The following PLA2R1 variants were observed in gnomAD, a reference collection of about 807,000 sequenced individuals.
PLA2R1 encodes the protein secretory phospholipase A2 receptor.
In PLA2R1, 158 loss-of-function variants were observed where a neutral mutation model predicts 195.9. The observed-to-expected ratio is 0.81, with a 90% confidence interval of 0.71 to 0.92. The LOEUF is 0.92. Ranked by LOEUF, PLA2R1 falls within the 40% of genes least tolerant of loss-of-function variation. The pLI, the probability that PLA2R1 is intolerant of heterozygous loss-of-function variation, is 0.00. For synonymous variants in PLA2R1, 586 were observed against 598.2 expected (o/e 0.98, Z 0.30); for missense variants, 1,626 against 1,764.6 (o/e 0.92, Z 1.41).
chr2:160,035,949 T>C (rs759354842), intron 3 of PLA2R1, among the ~76,000 whole-genome samples: 3 of 152,196 alleles, frequency 2.0e-5, no homozygotes, highest in Non-Finnish European at 4.4e-5. Context: ...TCCCTCTCCG[T>C]GCTGATTTAC....
chr2:160,016,479 G>T, intron 9 of PLA2R1, 135 bp downstream of exon 9: 1 of 257,302 alleles, frequency 3.9e-6, no homozygotes, highest in Admixed American at 6.2e-5. Context: ...GAAGGGGGGG[G>T]TGCGAGGAGA....
chr2:160,007,698 T>C (rs1692093907), intron 10 of PLA2R1, among the ~76,000 whole-genome samples: 2 of 152,184 alleles, frequency 1.3e-5, no homozygotes, highest in Admixed American at 1.3e-4. Flanking sequence ...GTGAAAGACT[T>C]GTATACTGAA....
intron 11 of PLA2R1, among the ~76,000 whole-genome samples, chr2:159,995,284 A>G (rs995189145): frequency 2.6e-5 from 4 of 152,086 alleles, no homozygotes; most frequent in African/African-American, 7.2e-5. Context: ...ACATCATGGC[A>G]TTATTTTTGC....
At position 159,955,693 on chromosome 2, in the gene PLA2R1, C is replaced by T; in HGVS notation, c.3153+5G>A. ...GATCTCCAAAAAATAAATCTTAAAA[C>T]TTACATTTATTATATCAAATGGAGA... On this transcript the variant is annotated splice_donor_5th_base_variant and intron_variant, in intron 22 of 29. Coordinates refer to ENST00000283243, the MANE Select transcript of PLA2R1 (RefSeq NM_007366.5). The T allele has an allele frequency of 7.1e-7, 1 of 1,403,742 alleles. No individual in the cohort carries two copies. 87.0% of individuals were successfully genotyped at this position (1,403,742 alleles called of 1,614,324 possible). A position where few individuals can be genotyped will look rare whatever the true frequency, so the allele number is the denominator to read the frequency against.
intron 1 of PLA2R1, among the ~76,000 whole-genome samples, chr2:160,047,656 A>G (rs1278206274): frequency 6.6e-6 from 1 of 152,208 alleles, no homozygotes; most frequent in Non-Finnish European, 1.5e-5. Flanking sequence ...AAGAGCCTTC[A>G]TCTGTTGATT....
At chr2:160,021,797 CT>C (rs1440110828) in intron 7 of PLA2R1, among the ~76,000 whole-genome samples, 8 of 151,964 alleles carry the variant, frequency 5.3e-5, no homozygotes, top group Non-Finnish European at 1.5e-5. Flanking sequence ...TTTCCTTTTT[CT>C]TTTTTCTGCC....
intron 4 of PLA2R1, among the ~76,000 whole-genome samples, chr2:160,029,268 G>A (rs1693707304): frequency 6.6e-6 from 1 of 152,196 alleles, no homozygotes; most frequent in African/African-American, 2.4e-5. Flanking sequence ...TTACTTGAGT[G>A]AGCTCATGAA....
chr2:159,988,000 T>C (rs1232210050), intron 11 of PLA2R1, among the ~76,000 whole-genome samples: 4 of 152,178 alleles, frequency 2.6e-5, no homozygotes, highest in South Asian at 2.1e-4. Flanking sequence ...ATGTGAGATA[T>C]TGGAAAATGT....
chr2:159,988,800 T>C (rs576219015), intron 11 of PLA2R1, among the ~76,000 whole-genome samples: 2 of 152,316 alleles, frequency 1.3e-5, no homozygotes, highest in South Asian at 4.1e-4. Flanking sequence ...GTTCTGATTG[T>C]TTTATGCTCA....
intron 19 of PLA2R1, among the ~76,000 whole-genome samples, chr2:159,968,259 C>A (rs1402101435): frequency 6.7e-6 from 1 of 149,754 alleles, no homozygotes; most frequent in African/African-American, 2.5e-5. Context: ...TTTAGAAGAG[C>A]TATATTTTCA....
chr2:159,979,703 A>G, intron 14 of PLA2R1, 127 bp downstream of exon 14: 2 of 579,268 alleles, frequency 3.5e-6, no homozygotes. Context: ...CCTGGTACTA[A>G]GGTCTGGTGC....
At chr2:160,029,003 T>C (rs1483891138) in intron 4 of PLA2R1, 40 bp from the exon 5 acceptor site, 3 of 1,071,020 alleles carry the variant, frequency 2.8e-6, no homozygotes, top group Non-Finnish European at 4.4e-6. Flanking sequence ...AAAAATCCAG[T>C]GTTACACATC....
Position 160,062,537 on chromosome 2 carries a change from CG to C in PLA2R1, c.-135del. On this transcript the variant is annotated 5_prime_UTR_variant, in exon 1 of 30. Transcript: ENST00000283243. ...AGCCTCCTCCGCGCCCCACCCCCTC[CG>C]GGGGCCTTGCCAGCCCAGAGCCCTG... The C allele has an allele frequency of 3.6e-6, 5 of 1,377,698 alleles. No homozygotes were observed. Among genetic ancestry groups the C allele is most frequent in the South Asian group, 1.6e-5 (1 of 61,962 alleles). The allele number at this position is 1,377,698 out of a possible 1,614,324, so 85.3% of individuals were successfully genotyped here.
intron 14 of PLA2R1, among the ~76,000 whole-genome samples, chr2:159,978,355 T>C (rs1242116375): frequency 2.0e-5 from 3 of 152,136 alleles, no homozygotes; most frequent in African/African-American, 7.2e-5. Context: ...AAAAAGGATG[T>C]TTTAAAATCC....
chr2:160,052,749 A>T (rs1695289088), intron 1 of PLA2R1, among the ~76,000 whole-genome samples: 3 of 152,200 alleles, frequency 2.0e-5, no homozygotes, highest in African/African-American at 7.2e-5. Context: ...ACTGGGTCAC[A>T]AAAACCAACA....
At chr2:159,945,880 A>G in intron 27 of PLA2R1, 1 of 895,940 alleles carries the variant, frequency 1.1e-6, no homozygotes, top group Non-Finnish European at 1.3e-6. Flanking sequence ...CATGTTTCTT[A>G]ATGTGACAGT....
chr2:160,039,942 T>C (rs1163838830), intron 3 of PLA2R1, among the ~76,000 whole-genome samples: 1 of 143,720 alleles, frequency 7.0e-6, no homozygotes, highest in Non-Finnish European at 1.5e-5. Flanking sequence ...TTAAGAAGAA[T>C]ATTGTAGTTT....
At chr2:159,985,144 C>A (rs574596274) in intron 12 of PLA2R1, among the ~76,000 whole-genome samples, 3 of 152,288 alleles carry the variant, frequency 2.0e-5, no homozygotes, top group Non-Finnish European at 4.4e-5. Flanking sequence ...AATAAATAAT[C>A]GTGATCTTGG....
intron 1 of PLA2R1, among the ~76,000 whole-genome samples, chr2:160,047,470 G>A (rs538425262): frequency 6.9e-4 from 105 of 152,264 alleles, no homozygotes; most frequent in Non-Finnish European, 1.2e-3. Context: ...TACACTGTTA[G>A]CACAAAAGCT....
Sources: gnomAD v4.1 joint callset for allele counts (sites outside exome capture counted in the v4.1 genomes callset) on GRCh38, gnomAD v4.1.1 for gene constraint, MANE v1.5 for transcripts, NCBI Gene and HGNC (gene_info 2026-07-23, HGNC 2026-07-21) for gene names.